Variants in REEP1 observed in about 807,000 individuals in gnomAD.
REEP1 encodes the protein receptor accessory protein 1.
In REEP1, 22 loss-of-function variants were observed where a neutral mutation model predicts 40.3. The ratio of observed to expected loss-of-function variants is 0.55; its 90% confidence interval spans 0.39 to 0.78. The LOEUF is 0.78. Ranked by LOEUF, REEP1 falls within the 30% of genes least tolerant of loss-of-function variation. The pLI is 0.00. For synonymous variants in REEP1, 116 were observed against 139.2 expected (o/e 0.83, Z 1.17); for missense variants, 280 against 361.1 (o/e 0.78, Z 1.82).
At chr2:86,304,786 G>T (rs1679409444) in intron 1 of REEP1, among the ~76,000 whole-genome samples, 1 of 152,186 alleles carries the variant, frequency 6.6e-6, no homozygotes, top group Admixed American at 6.5e-5. Context: ...TGTGACCAAA[G>T]TTGGGCCCAA....
intron 1 of REEP1, among the ~76,000 whole-genome samples, chr2:86,295,720 T>C (rs1678945900): frequency 6.6e-6 from 1 of 152,064 alleles, no homozygotes; most frequent in Non-Finnish European, 1.5e-5. Flanking sequence ...TTTGTGTTTT[T>C]AGTAGAGACG....
chr2:86,295,766 C>G (rs190053516), intron 1 of REEP1, among the ~76,000 whole-genome samples: 1 of 152,310 alleles, frequency 6.6e-6, no homozygotes, highest in African/African-American at 2.4e-5. Context: ...GTCTCGATCT[C>G]CTGACCTCGT....
At chr2:86,264,828 C>T (rs1229576165) in intron 2 of REEP1, among the ~76,000 whole-genome samples, 1 of 152,160 alleles carries the variant, frequency 6.6e-6, no homozygotes, top group African/African-American at 2.4e-5. Flanking sequence ...CAGACAGAGA[C>T]TGGAAGGGGT....
chr2:86,308,550 G>A (rs557341326), intron 1 of REEP1, among the ~76,000 whole-genome samples: 68 of 152,306 alleles, frequency 4.5e-4, no homozygotes, highest in African/African-American at 1.6e-3. Flanking sequence ...GGGAGTGGTA[G>A]AGGAGTAACA....
At chr2:86,234,293 G>A (rs910123237) in intron 5 of REEP1, among the ~76,000 whole-genome samples, 1 of 152,104 alleles carries the variant, frequency 6.6e-6, no homozygotes, top group African/African-American at 2.4e-5. Context: ...TGAGGCAGGA[G>A]GATTGCTTGA....
chr2:86,225,993 G>A (rs749507563), intron 7 of REEP1, among the ~76,000 whole-genome samples: 2 of 152,036 alleles, frequency 1.3e-5, no homozygotes, highest in African/African-American at 2.4e-5. Context: ...TCACTCACAC[G>A]CTGGGAGGGC....
chr2:86,249,579 A>T (rs1372011830), intron 5 of REEP1, among the ~76,000 whole-genome samples: 1 of 152,106 alleles, frequency 6.6e-6, no homozygotes, highest in East Asian at 1.9e-4. Flanking sequence ...TCATGGGCCC[A>T]CTGCCTGAGA....
At chr2:86,328,730 G>C (rs997319055) in intron 1 of REEP1, among the ~76,000 whole-genome samples, 2 of 152,122 alleles carry the variant, frequency 1.3e-5, no homozygotes, top group African/African-American at 4.8e-5. Flanking sequence ...CCCCTCTGTG[G>C]GACTTGTGAC....
chr2:86,231,911 C>A (rs546148859), intron 6 of REEP1, among the ~76,000 whole-genome samples: 1 of 152,238 alleles, frequency 6.6e-6, no homozygotes, highest in South Asian at 2.1e-4. Flanking sequence ...CCCAGACCTA[C>A]TGAAGCCTCT....
chr2:86,307,426 A>C (rs1679546633), intron 1 of REEP1, among the ~76,000 whole-genome samples: 1 of 152,160 alleles, frequency 6.6e-6, no homozygotes, highest in Non-Finnish European at 1.5e-5. Context: ...GATACACTTA[A>C]GTAAATTGTG....
chr2:86,247,693 T>A (rs1676049153), intron 5 of REEP1, among the ~76,000 whole-genome samples: 2 of 151,834 alleles, frequency 1.3e-5, no homozygotes, highest in South Asian at 4.2e-4. Flanking sequence ...GCCTCAGCCT[T>A]CCGAGTAGCT....
At chr2:86,236,009 G>A (rs1675303954) in intron 5 of REEP1, among the ~76,000 whole-genome samples, 1 of 152,086 alleles carries the variant, frequency 6.6e-6, no homozygotes, top group African/African-American at 2.4e-5. Flanking sequence ...TTGAGGTCAG[G>A]AGTTTGAGAC....
At chr2:86,278,930 C>T (rs756051621) in intron 2 of REEP1, among the ~76,000 whole-genome samples, 9 of 152,188 alleles carry the variant, frequency 5.9e-5, no homozygotes, top group Non-Finnish European at 1.3e-4. Flanking sequence ...AATCCAGGTA[C>T]AGTAAGTTTG....
intron 1 of REEP1, among the ~76,000 whole-genome samples, chr2:86,307,681 A>G (rs1487266035): frequency 6.6e-6 from 1 of 151,982 alleles, no homozygotes; most frequent in Non-Finnish European, 1.5e-5. Flanking sequence ...ATGAGCCGTG[A>G]TGGCGCCACT....
intron 6 of REEP1, among the ~76,000 whole-genome samples, chr2:86,227,714 T>TC (rs917010207): frequency 2.2e-4 from 34 of 152,256 alleles, no homozygotes; most frequent in African/African-American, 7.9e-4. Context: ...CAAAGCCTCC[T>TC]CCTCTCTTTG....
chr2:86,325,172 C>G (rs776835262), intron 1 of REEP1, among the ~76,000 whole-genome samples: 3 of 152,164 alleles, frequency 2.0e-5, no homozygotes, highest in Non-Finnish European at 4.4e-5. Context: ...TGCTGGAAGA[C>G]AGGAATTCAA....
intron 1 of REEP1, among the ~76,000 whole-genome samples, chr2:86,293,757 G>C (rs1036026742): frequency 1.3e-5 from 2 of 152,164 alleles, no homozygotes; most frequent in Admixed American, 1.3e-4. Flanking sequence ...AGTGAGGCTG[G>C]TCTTATACGT....
At chr2:86,228,684 T>C (rs1180194136) in intron 6 of REEP1, among the ~76,000 whole-genome samples, 2 of 152,032 alleles carry the variant, frequency 1.3e-5, no homozygotes, top group Admixed American at 6.6e-5. Context: ...TCTCAAACTC[T>C]CTACCTCAGG....
At chr2:86,282,882 G>A (rs979172395) in intron 1 of REEP1, among the ~76,000 whole-genome samples, 1 of 152,082 alleles carries the variant, frequency 6.6e-6, no homozygotes, top group Non-Finnish European at 1.5e-5. Flanking sequence ...AAATGATCTT[G>A]TGCTCAGCCC....
Sources: allele counts gnomAD v4.1 joint callset (sites outside exome capture counted in the v4.1 genomes callset), GRCh38; gene constraint gnomAD v4.1.1; transcripts MANE v1.5; gene names NCBI Gene and HGNC (gene_info 2026-07-23, HGNC 2026-07-21).